The following NOS1AP variants were observed in gnomAD, a reference collection of about 807,000 sequenced individuals.
NOS1AP encodes the protein nitric oxide synthase 1 adaptor protein, also known as carboxyl-terminal PDZ ligand of neuronal nitric oxide synthase protein.
NOS1AP carries 21 observed loss-of-function variants against 56.2 expected under a neutral mutation model. The ratio of observed to expected loss-of-function variants is 0.37; its 90% CI spans 0.26 to 0.54. The LOEUF (loss-of-function observed/expected upper bound fraction) is 0.54. Among genes scored for constraint, NOS1AP ranks in the 20% least tolerant of loss-of-function variants. NOS1AP has a pLI of 0.84. For missense variants in NOS1AP, 522 were observed against 657.8 expected, an observed-to-expected ratio of 0.79 and a Z score of 2.26; for synonymous variants, 270 against 274.6, an observed-to-expected ratio of 0.98 and a Z score of 0.17.
At chr1:162,362,622 G>T (rs2101827543) in intron 8 of NOS1AP, among the ~76,000 whole-genome samples, 1 of 152,274 alleles carries the variant, frequency 6.6e-6, no homozygotes, top group East Asian at 1.9e-4. Flanking sequence ...TGGTTGGTTT[G>T]GTTCCAAAGA....
chr1:162,214,439 G>A (rs886395094), intron 2 of NOS1AP, among the ~76,000 whole-genome samples: 2 of 152,300 alleles, frequency 1.3e-5, no homozygotes, highest in East Asian at 1.9e-4. Flanking sequence ...GAGTATGCAC[G>A]GTGGTAAAGG....
At chr1:162,175,276 C>A (rs961152352) in intron 2 of NOS1AP, among the ~76,000 whole-genome samples, 1 of 152,130 alleles carries the variant, frequency 6.6e-6, no homozygotes, top group Non-Finnish European at 1.5e-5. Flanking sequence ...ATTTGGAATT[C>A]TTTTGCATAG....
intron 1 of NOS1AP, among the ~76,000 whole-genome samples, chr1:162,103,273 TTTGA>T (rs902214407): frequency 1.3e-5 from 2 of 152,198 alleles, no homozygotes; most frequent in African/African-American, 4.8e-5. Context: ...TGCGTTCTAA[TTTGA>T]TTGCGCTATG....
At chr1:162,342,757 G>A in intron 5 of NOS1AP, 1 of 373,064 alleles carries the variant, frequency 2.7e-6, no homozygotes, top group Middle Eastern at 4.0e-4. Context: ...GGTGGGAGGT[G>A]GATGTGATTG....
chr1:162,174,455 T>C (rs1031593057), intron 2 of NOS1AP, among the ~76,000 whole-genome samples: 2 of 151,734 alleles, frequency 1.3e-5, no homozygotes, highest in Non-Finnish European at 2.9e-5. Flanking sequence ...ATATACCTAA[T>C]GCTAAATGAT....
intron 8 of NOS1AP, chr1:162,363,281 A>G (rs1210613537): frequency 6.6e-6 from 1 of 152,622 alleles, no homozygotes; most frequent in Non-Finnish European, 1.5e-5. Context: ...GAAAACACCT[A>G]CATTTACTGG....
chr1:162,136,170 A>T (rs1223845401), intron 1 of NOS1AP, among the ~76,000 whole-genome samples: 1 of 152,182 alleles, frequency 6.6e-6, no homozygotes, highest in African/African-American at 2.4e-5. Context: ...ACAGGGAAGA[A>T]AATGCAATTT....
chr1:162,175,749 A>G (rs1182904970), intron 2 of NOS1AP, among the ~76,000 whole-genome samples: 1 of 152,188 alleles, frequency 6.6e-6, no homozygotes, highest in Non-Finnish European at 1.5e-5. Context: ...TTCTATATGT[A>G]GCCATCTATA....
intron 1 of NOS1AP, among the ~76,000 whole-genome samples, chr1:162,144,611 G>T (rs1649377606): frequency 6.6e-6 from 1 of 151,930 alleles, no homozygotes; most frequent in Non-Finnish European, 1.5e-5. Context: ...AAAATAACCT[G>T]CTGGCCAAGT....
At chr1:162,088,035 G>GT (rs1692042245) in intron 1 of NOS1AP, among the ~76,000 whole-genome samples, 1 of 152,108 alleles carries the variant, frequency 6.6e-6, no homozygotes, top group Non-Finnish European at 1.5e-5. Context: ...CAAAAGAGAA[G>GT]TATTTTGAAA....
At chr1:162,089,710 A>C (rs946776387) in intron 1 of NOS1AP, among the ~76,000 whole-genome samples, 1 of 152,218 alleles carries the variant, frequency 6.6e-6, no homozygotes, top group African/African-American at 2.4e-5. Flanking sequence ...AGGAAAAGAC[A>C]GTGTAACCAC....
At chr1:162,313,289 A>G (rs909726468) in intron 4 of NOS1AP, among the ~76,000 whole-genome samples, 2 of 152,248 alleles carry the variant, frequency 1.3e-5, no homozygotes, top group East Asian at 1.9e-4. Context: ...CAAATAATAC[A>G]TAACTGTTAC....
intron 2 of NOS1AP, among the ~76,000 whole-genome samples, chr1:162,254,560 T>A (rs1186232190): frequency 2.6e-5 from 4 of 152,136 alleles, no homozygotes; most frequent in African/African-American, 9.7e-5. Flanking sequence ...ATGTTGGCCA[T>A]TTTAGGGTAA....
chr1:162,153,348 C>T (rs967269501), intron 1 of NOS1AP, among the ~76,000 whole-genome samples: 2 of 152,134 alleles, frequency 1.3e-5, no homozygotes, highest in South Asian at 4.1e-4. Context: ...AGGCTGGTCT[C>T]GAACTCCTGA....
intron 1 of NOS1AP, among the ~76,000 whole-genome samples, chr1:162,115,096 A>G (rs1572498): frequency 0.54 from 82,245 of 152,078 alleles, 23,449 homozygotes; most frequent in Non-Finnish European, 0.64. Flanking sequence ...TTGCCAAGTA[A>G]GCATTGTTCT....
intron 1 of NOS1AP, among the ~76,000 whole-genome samples, chr1:162,138,049 A>G (rs1036147324): frequency 6.6e-6 from 1 of 152,316 alleles, no homozygotes. Flanking sequence ...GGATACATTG[A>G]CACCTTTTTT....
At chr1:162,192,733 C>T (rs10918846) in intron 2 of NOS1AP, among the ~76,000 whole-genome samples, 66,826 of 152,010 alleles carry the variant, frequency 0.44, 15,223 homozygotes, top group South Asian at 0.6. Flanking sequence ...TTTAATCTAC[C>T]TGTAGTCAGG....
Position 162,182,418 on chromosome 1 carries a change from G to A in NOS1AP, c.177+27942G>A, listed in dbSNP as rs75567461. Reference sequence around the variant, plus strand: ...ATAAAAACAAGGTACACTTGATGTTGATGGCTACTGACTGACCAGGGTGCT... The same window carrying A: ...ATAAAAACAAGGTACACTTGATGTTAATGGCTACTGACTGACCAGGGTGCT... On this transcript the variant is annotated intron_variant, in intron 2 of 9. Transcript: ENST00000361897. Among the ~76,000 whole-genome samples, 432 of 152,320 alleles carry A rather than the reference G, an allele frequency of 2.8e-3. 3 individuals are homozygous for A. Among genetic ancestry groups the A allele is most frequent in the African/African-American group, 9.8e-3 (408 of 41,576 alleles).
intron 8 of NOS1AP, chr1:162,365,022 G>A (rs1457727281): frequency 9.0e-7 from 1 of 1,111,246 alleles, no homozygotes; most frequent in Non-Finnish European, 1.1e-6. Context: ...CATGCTAGGT[G>A]CTGAAGGAGT....
Sources: allele counts gnomAD v4.1 joint callset (sites outside exome capture counted in the v4.1 genomes callset), GRCh38; gene constraint gnomAD v4.1.1; transcripts MANE v1.5; gene names NCBI Gene and HGNC (gene_info 2026-07-23, HGNC 2026-07-21).